The following RUBCN variants were observed in gnomAD, a reference collection of about 807,000 sequenced individuals.
RUBCN encodes the protein rubicon autophagy regulator.
A neutral mutation model predicts 113.2 loss-of-function variants in RUBCN; 74 were observed. The ratio of observed to expected loss-of-function variants is 0.65; its 90% CI spans 0.54 to 0.79. RUBCN has a LOEUF of 0.79. Among genes scored for constraint, RUBCN ranks in the 30% least tolerant of loss-of-function variants. RUBCN has a pLI of 0.00. For synonymous variants in RUBCN, 480 were observed against 490.0 expected, an observed-to-expected ratio of 0.98 and a Z score of 0.27; for missense variants, 1,109 against 1,251.7, an observed-to-expected ratio of 0.89 and a Z score of 1.72.
At chr3:197,715,605 T>C (rs1725438184) in intron 2 of RUBCN, among the ~76,000 whole-genome samples, 1 of 152,160 alleles carries the variant, frequency 6.6e-6, no homozygotes, top group South Asian at 2.1e-4. Flanking sequence ...AGATGCTACC[T>C]CATTTCACTG....
upstream of RUBCN, chr3:197,737,187 T>C: frequency 5.3e-6 from 1 of 188,082 alleles, no homozygotes; most frequent in Non-Finnish European, 1.1e-5. Context: ...GGGCGTATCC[T>C]TATTCACCCC....
At chr3:197,689,226 CTA>C (rs746808532) in intron 11 of RUBCN, among the ~76,000 whole-genome samples, 3 of 152,152 alleles carry the variant, frequency 2.0e-5, no homozygotes, top group Non-Finnish European at 4.4e-5. Context: ...TGGGGTCTCA[CTA>C]TGTTTCCCAG....
intron 1 of RUBCN, among the ~76,000 whole-genome samples, chr3:197,734,449 C>G (rs963491637): frequency 6.6e-6 from 1 of 151,744 alleles, no homozygotes; most frequent in Non-Finnish European, 1.5e-5. Flanking sequence ...GCCGAACTGC[C>G]TGGGTTTGAA....
intron 7 of RUBCN, among the ~76,000 whole-genome samples, chr3:197,700,042 CTG>C (rs752247972): frequency 2.0e-5 from 3 of 152,178 alleles, no homozygotes; most frequent in Non-Finnish European, 2.9e-5. Flanking sequence ...CTGCTATCAG[CTG>C]GTGTTTGGTG....
rs143804353 is a variant in RUBCN at position 197,733,315 on chromosome 3, A to G, written c.65+3340T>C. 7.5e-4 allele frequency among the ~76,000 whole-genome samples: 114 copies of G among 152,180 alleles called. No individual in the cohort carries two copies. The East Asian group carries it at 0.021, about 28-fold the overall frequency. On this transcript the variant is annotated intron_variant, in intron 1 of 19. Coordinates refer to ENST00000296343, the MANE Select transcript of RUBCN (RefSeq NM_014687.4). Reference sequence around the variant, plus strand: ...TGGTGAGACTCTGTCACTACAAAAAATCTGAAAAAATTAAAAATTAGCTGG... The same window carrying G: ...TGGTGAGACTCTGTCACTACAAAAAGTCTGAAAAAATTAAAAATTAGCTGG...
intron 2 of RUBCN, among the ~76,000 whole-genome samples, chr3:197,708,132 G>A (rs1031546849): frequency 2.0e-5 from 3 of 151,926 alleles, no homozygotes; most frequent in Non-Finnish European, 2.9e-5. Flanking sequence ...AGAAAAATAT[G>A]TAAACAATTT....
At chr3:197,691,558 C>A (rs767129493) in intron 11 of RUBCN, among the ~76,000 whole-genome samples, 7 of 152,250 alleles carry the variant, frequency 4.6e-5, no homozygotes, top group Non-Finnish European at 1.0e-4. Flanking sequence ...GGCCTAAGGT[C>A]TTTTCCTTTA....
At chr3:197,698,994 G>A (rs1280697408) in intron 7 of RUBCN, among the ~76,000 whole-genome samples, 1 of 152,148 alleles carries the variant, frequency 6.6e-6, no homozygotes, top group Non-Finnish European at 1.5e-5. Context: ...TTGAGAGACT[G>A]AACGAGGCAT....
intron 1 of RUBCN, among the ~76,000 whole-genome samples, chr3:197,724,084 A>C (rs1301288142): frequency 6.6e-6 from 1 of 152,150 alleles, no homozygotes; most frequent in African/African-American, 2.4e-5. Flanking sequence ...ATTTTCATCA[A>C]CTCACAACGA....
chr3:197,697,140 C>T, intron 7 of RUBCN, 91 bp from the exon 8 acceptor site: 1 of 730,638 alleles, frequency 1.4e-6, no homozygotes, highest in Non-Finnish European at 2.5e-6. Context: ...TTAACTGCAC[C>T]CCTTCCCAAA....
intron 1 of RUBCN, among the ~76,000 whole-genome samples, chr3:197,734,078 A>C (rs1727832730): frequency 6.6e-6 from 1 of 152,012 alleles, no homozygotes; most frequent in Admixed American, 6.6e-5. Flanking sequence ...CAACATGGCG[A>C]AACCCCGTCT....
intron 1 of RUBCN, among the ~76,000 whole-genome samples, chr3:197,719,572 G>C (rs760845296): frequency 8.7e-5 from 13 of 148,586 alleles, no homozygotes; most frequent in Non-Finnish European, 1.6e-4. Context: ...ATTACACAAA[G>C]AGCATTGACA....
chr3:197,709,458 G>A (rs1028722418), intron 2 of RUBCN, among the ~76,000 whole-genome samples: 5 of 152,108 alleles, frequency 3.3e-5, no homozygotes, highest in Non-Finnish European at 7.4e-5. Context: ...TCGGCTCACC[G>A]CAACCTCCAC....
intron 5 of RUBCN, among the ~76,000 whole-genome samples, chr3:197,703,125 G>A (rs552933146): frequency 2.0e-5 from 3 of 152,014 alleles, no homozygotes; most frequent in East Asian, 1.9e-4. Flanking sequence ...CTGGCCGGGC[G>A]CGGTGGCTCA....
At chr3:197,711,467 T>C (rs1014481621) in intron 2 of RUBCN, among the ~76,000 whole-genome samples, 5 of 152,244 alleles carry the variant, frequency 3.3e-5, no homozygotes, top group Admixed American at 6.5e-5. Flanking sequence ...TACTACAGTA[T>C]GCTATTATTT....
At chr3:197,727,504 G>C (rs966865546) in intron 1 of RUBCN, among the ~76,000 whole-genome samples, 1 of 152,170 alleles carries the variant, frequency 6.6e-6, no homozygotes, top group Non-Finnish European at 1.5e-5. Context: ...AGAAAATTCT[G>C]CCAAAAATTG....
chr3:197,683,443 G>T lies in RUBCN; in HGVS notation c.1848-4C>A. 1 of 1,613,992 alleles carries T rather than the reference G, an allele frequency of 6.2e-7. No individual in the cohort carries two copies. Among genetic ancestry groups the T allele is most frequent in the Non-Finnish European group, 8.5e-7 (1 of 1,180,026 alleles). ...GGAGTGCAGGAAGCAGTGGGAGCTG[G>T]AAAGGGGAGAATCAAGGACGGCTGA... On this transcript the variant is annotated splice_region_variant and splice_polypyrimidine_tract_variant and intron_variant, in intron 12 of 19. Transcript: ENST00000296343. The surrounding 1 kb of genome is among the most constrained non-coding windows in gnomAD (Gnocchi z 4.6).
At chr3:197,720,889 G>A (rs1049847686) in intron 1 of RUBCN, among the ~76,000 whole-genome samples, 1 of 152,102 alleles carries the variant, frequency 6.6e-6, no homozygotes, top group Non-Finnish European at 1.5e-5. Context: ...TCCAGACTGT[G>A]TCGCATAATG....
intron 1 of RUBCN, among the ~76,000 whole-genome samples, chr3:197,747,730 G>A (rs895421145): frequency 5.3e-5 from 8 of 152,158 alleles, no homozygotes; most frequent in Non-Finnish European, 1.0e-4. Flanking sequence ...GACAGAAGGT[G>A]AATGTGGAGA....
Sources: gnomAD v4.1 joint callset for allele counts (sites outside exome capture counted in the v4.1 genomes callset) on GRCh38, gnomAD v4.1.1 for gene constraint, Gnocchi (gnomAD v3.1) non-coding constraint, MANE v1.5 for transcripts, NCBI Gene and HGNC (gene_info 2026-07-23, HGNC 2026-07-21) for gene names.